Variants in CDK8 observed in about 807,000 individuals in gnomAD.
The protein encoded by CDK8 is cyclin dependent kinase 8.
CDK8 carries 29 observed loss-of-function variants against 71.5 expected under a neutral mutation model. The observed-to-expected ratio is 0.41, with a 90% CI of 0.30 to 0.55. The LOEUF (loss-of-function observed/expected upper bound fraction) is 0.55, where lower values mean the gene tolerates loss of function less well. Ranked by LOEUF, CDK8 falls within the 20% of genes least tolerant of loss-of-function variation. The probability of loss-of-function intolerance (pLI) is 0.37; values close to 1 mark genes in which losing one functional copy is unlikely to be tolerated. For synonymous variants in CDK8, 161 were observed against 192.1 expected, an observed-to-expected ratio of 0.84 and a Z score of 1.34; for missense variants, 288 against 572.6, an observed-to-expected ratio of 0.50 and a Z score of 5.07.
intron 1 of CDK8, among the ~76,000 whole-genome samples, chr13:26,282,094 A>AT (rs775290370): frequency 3.9e-5 from 6 of 152,030 alleles, no homozygotes; most frequent in Non-Finnish European, 7.4e-5. Flanking sequence ...CCTAACTATA[A>AT]TTGGTGGTCC....
chr13:26,297,207 A>G (rs763645091), intron 1 of CDK8, among the ~76,000 whole-genome samples: 7 of 152,128 alleles, frequency 4.6e-5, no homozygotes, highest in Non-Finnish European at 7.4e-5. Flanking sequence ...CCCAACAGTC[A>G]CTCTGATTGT....
chr13:26,281,241 C>T (rs542725884), intron 1 of CDK8, among the ~76,000 whole-genome samples: 9 of 152,342 alleles, frequency 5.9e-5, no homozygotes, highest in Admixed American at 2.6e-4. Flanking sequence ...ACTTCACTCC[C>T]TTACCATCTC....
intron 1 of CDK8, among the ~76,000 whole-genome samples, chr13:26,270,389 C>CAAA (rs58365823): frequency 1.9e-3 from 242 of 128,162 alleles, no homozygotes; most frequent in African/African-American, 6.3e-3. Flanking sequence ...AACTCTGTCT[C>CAAA]AAAAAAAAAA....
At chr13:26,319,561 A>C (rs530835987) in intron 1 of CDK8, among the ~76,000 whole-genome samples, 10 of 152,312 alleles carry the variant, frequency 6.6e-5, no homozygotes, top group African/African-American at 2.2e-4. Flanking sequence ...AAAGAAACTG[A>C]AGACATAAGT....
chr13:26,382,314 A>G (rs1875266225), intron 4 of CDK8, among the ~76,000 whole-genome samples: 1 of 152,220 alleles, frequency 6.6e-6, no homozygotes, highest in South Asian at 2.1e-4. Flanking sequence ...TTACTTGACT[A>G]ACTTGTTTCT....
intron 1 of CDK8, among the ~76,000 whole-genome samples, chr13:26,305,368 C>T (rs1343350733): frequency 3.9e-5 from 6 of 151,942 alleles, no homozygotes; most frequent in African/African-American, 7.3e-5. Context: ...ACTTTTTCTC[C>T]GGGCTGCTTT....
intron 1 of CDK8, among the ~76,000 whole-genome samples, chr13:26,268,256 A>AACACACACACACACACACAC (rs3027999): frequency 3.4e-5 from 4 of 116,766 alleles, no homozygotes; most frequent in African/African-American, 1.4e-4. Context: ...CCCCTCCCCC[A>AACACACACACACACACACAC]ACACACACAC....
chr13:26,315,069 G>A (rs911014803), intron 1 of CDK8, among the ~76,000 whole-genome samples: 1 of 151,854 alleles, frequency 6.6e-6, no homozygotes, highest in Non-Finnish European at 1.5e-5. Flanking sequence ...TTTACATTCT[G>A]GGATTAGTCT....
At chr13:26,348,960 G>GT (rs1873578061) in intron 2 of CDK8, 112 bp from the exon 3 acceptor site, 1 of 734,232 alleles carries the variant, frequency 1.4e-6, no homozygotes, top group African/African-American at 1.8e-5. Flanking sequence ...CTTATTAGAT[G>GT]TTTAAGATTG....
chr13:26,280,368 G>T (rs2137884335), intron 1 of CDK8, among the ~76,000 whole-genome samples: 1 of 152,250 alleles, frequency 6.6e-6, no homozygotes, highest in Non-Finnish European at 1.5e-5. Context: ...ATCTCATTCA[G>T]AAGACTGAGT....
Position 26,339,754 on chromosome 13 carries a change from A to ATATATATAT in CDK8, c.204+2112_204+2113insTATATATAT, listed in dbSNP as rs66521623. 4.0e-3 allele frequency among the ~76,000 whole-genome samples: 512 copies of ATATATATAT among 129,326 alleles called. 9 individuals carry two copies. The highest frequency in any genetic ancestry group is 0.013 in the African/African-American group (452 of 34,264). 84.8% of individuals were successfully genotyped at this position (129,326 alleles called of 152,430 possible). ...TTTATTTATATAATTACTTAAAAAA[A>ATATATATAT]AAATATATATATATATATAGTGTAG... On this transcript the variant is annotated intron_variant, in intron 2 of 12. Transcript: ENST00000381527.
chr13:26,268,362 C>T (rs1872138110), intron 1 of CDK8, among the ~76,000 whole-genome samples: 1 of 151,702 alleles, frequency 6.6e-6, no homozygotes, highest in African/African-American at 2.4e-5. Flanking sequence ...GTCACCCAGG[C>T]TGGAGTGCAG....
chr13:26,265,714 G>C (rs1421708665), intron 1 of CDK8, among the ~76,000 whole-genome samples: 2 of 152,156 alleles, frequency 1.3e-5, no homozygotes, highest in Non-Finnish European at 2.9e-5. Flanking sequence ...TGAGACAATT[G>C]AAAGAATTTC....
At position 26,357,607 on chromosome 13, in the gene CDK8, C is replaced by T. The variant is rs114016548; in HGVS notation, c.456+3727C>T. Among the ~76,000 whole-genome samples, 1,121 of 152,260 alleles carry T rather than the reference C, an allele frequency of 7.4e-3. 15 individuals are homozygous for T. Among genetic ancestry groups the T allele is most frequent in the African/African-American group, 0.026 (1,072 of 41,564 alleles). On this transcript the variant is annotated intron_variant, in intron 4 of 12. Coordinates refer to ENST00000381527, the MANE Select transcript of CDK8 (RefSeq NM_001260.3). Reference sequence around the variant, plus strand: ...CCTGGTTCTGGTATTACCATCTATACTGCTTAGGGTTCTCCAGAGATGCAG... The same window carrying T: ...CCTGGTTCTGGTATTACCATCTATATTGCTTAGGGTTCTCCAGAGATGCAG...
At position 26,385,900 on chromosome 13, in the gene CDK8, T is replaced by G. The variant is rs563076583; in HGVS notation, c.646+558T>G. Among the ~76,000 whole-genome samples the G allele has an allele frequency of 6.6e-5, 10 of 152,248 alleles. No individual in the cohort carries two copies. In the South Asian group the frequency reaches 1.9e-3, roughly 28 times the overall value. ...TAATTAAATGGGATCATATTATGCA[T>G]TCTATTTAAAATTTTATATTTAATT... On this transcript the variant is annotated intron_variant, in intron 6 of 12. Transcript: ENST00000381527.
At chr13:26,322,039 C>T (rs927234912) in intron 1 of CDK8, among the ~76,000 whole-genome samples, 2 of 152,070 alleles carry the variant, frequency 1.3e-5, no homozygotes, top group Non-Finnish European at 2.9e-5. Context: ...TTATCATCAT[C>T]ATATAGAAAT....
intron 1 of CDK8, among the ~76,000 whole-genome samples, chr13:26,318,373 TACC>T (rs1408763968): frequency 6.6e-6 from 1 of 152,070 alleles, no homozygotes; most frequent in Non-Finnish European, 1.5e-5. Context: ...TAAGAACTGA[TACC>T]ACTCCCTCTA....
intron 1 of CDK8, among the ~76,000 whole-genome samples, chr13:26,267,162 G>A (rs533070361): frequency 6.8e-6 from 1 of 147,056 alleles, no homozygotes; most frequent in Non-Finnish European, 1.5e-5. Context: ...TAATAAATAT[G>A]TAGTCAACCA....
At chr13:26,397,571 A>C (rs532098382) in intron 9 of CDK8, among the ~76,000 whole-genome samples, 2 of 151,770 alleles carry the variant, frequency 1.3e-5, no homozygotes, top group African/African-American at 4.9e-5. Context: ...ACTTCTCACC[A>C]TTGATAAATA....
Sources: allele counts gnomAD v4.1 joint callset (sites outside exome capture counted in the v4.1 genomes callset), GRCh38; gene constraint gnomAD v4.1.1; transcripts MANE v1.5; gene names NCBI Gene and HGNC (gene_info 2026-07-23, HGNC 2026-07-21).